Variants in SPC25 observed in about 807,000 individuals in gnomAD.
The protein encoded by SPC25 is kinetochore protein Spc25.
SPC25 carries 22 observed loss-of-function variants against 29.6 expected under a neutral mutation model. The ratio of observed to expected loss-of-function variants is 0.74; its 90% confidence interval spans 0.53 to 1.06. The LOEUF (loss-of-function observed/expected upper bound fraction) is 1.06, where lower values mean the gene tolerates loss of function less well. Among genes scored for constraint, SPC25 ranks in the 50% least tolerant of loss-of-function variants. The pLI is 0.00. For synonymous variants in SPC25, 91 were observed against 90.4 expected, an observed-to-expected ratio of 1.01 and a Z score of -0.04; for missense variants, 230 against 255.8, an observed-to-expected ratio of 0.90 and a Z score of 0.69.
chr2:168,864,930 A>G, intron 4 of SPC25: 2 of 1,614,120 alleles, frequency 1.2e-6, no homozygotes, highest in Non-Finnish European at 1.7e-6. Flanking sequence ...TATGTGGAGG[A>G]GTTACCTTCA....
chr2:168,863,427 A>T, intron 4 of SPC25: 1 of 985,140 alleles, frequency 1.0e-6, no homozygotes, highest in Non-Finnish European at 1.2e-6. Flanking sequence ...AAATCACCTC[A>T]GAATGATGCC....
intron 1 of SPC25, 68 bp from the exon 2 acceptor site, chr2:168,889,601 G>A (rs573039739): frequency 6.8e-6 from 10 of 1,477,330 alleles, no homozygotes; most frequent in African/African-American, 1.4e-5. Context: ...TTCCAATCGG[G>A]TATACAGTAT....
chr2:168,876,096 C>A lies in SPC25; in HGVS notation c.427G>T (p.Gly143Ter). The A allele has an allele frequency of 1.3e-6, 2 of 1,547,482 alleles. No homozygotes were observed. ...CCATAAATTTTTCGAATTTCTAGTCCAAGTCGATCTTTATACAAGTCTGCA... is the reference window on the plus strand; with the variant it reads ...CCATAAATTTTTCGAATTTCTAGTCAAAGTCGATCTTTATACAAGTCTGCA... ...KSADLYKDRL[G>*]LEIRKIYGEK... is the part of the protein sequence containing the mutation. Residue 143 changes from glycine (G) to a stop codon, truncating the protein, a stop_gained, in exon 5 of 7, where the codon GGA (glycine) becomes TGA (stop). Coordinates refer to ENST00000282074, the MANE Select transcript of SPC25 (RefSeq NM_020675.4). LOFTEE classifies it high-confidence loss of function.
downstream of SPC25, among the ~76,000 whole-genome samples, chr2:168,870,508 C>G (rs1227708392): frequency 6.6e-6 from 1 of 151,710 alleles, no homozygotes; most frequent in Non-Finnish European, 1.5e-5. Context: ...AACAAATTTA[C>G]AAGAAAAAAA....
At chr2:168,865,044 C>T (rs1392624800) in intron 4 of SPC25, 6 of 1,503,850 alleles carry the variant, frequency 4.0e-6, no homozygotes, top group Non-Finnish European at 5.4e-6. Flanking sequence ...GAATAAAGTG[C>T]TCTTACCTTT....
chr2:168,889,649 T>C (rs999062582), intron 1 of SPC25, 116 bp from the exon 2 acceptor site: 1 of 1,072,928 alleles, frequency 9.3e-7, no homozygotes, highest in African/African-American at 1.6e-5. Context: ...TAGCAACTTA[T>C]CTTTAATTCT....
At chr2:168,871,681 G>T in intron 6 of SPC25, 126 bp from the exon 7 acceptor site, 1 of 894,156 alleles carries the variant, frequency 1.1e-6, no homozygotes, top group Non-Finnish European at 1.6e-6. Context: ...AATTCTTTGA[G>T]CAAAAAAGGA....
rs1364842460 is a variant in SPC25 at position 168,865,004 on chromosome 2, G to T, written n.419+8581C>A. 8 of 1,609,444 alleles carry T rather than the reference G, an allele frequency of 5.0e-6. No homozygotes were observed. The East Asian group carries it at 1.8e-4, about 36-fold the overall frequency. ...TCTGAACATACTACCTTCACACTCG[G>T]TAATCAACAATACAGTGTGGTTCAA... On this transcript the variant is annotated intron_variant and non_coding_transcript_variant, in intron 4 of 4. Transcript: ENST00000479309.
At chr2:168,868,263 A>G (rs1689905403), downstream of SPC25, among the ~76,000 whole-genome samples, 1 of 152,258 alleles carries the variant, frequency 6.6e-6, no homozygotes, top group East Asian at 1.9e-4. Context: ...GAAAGATCCA[A>G]AATTGACACC....
Sources: gnomAD v4.1 joint callset for allele counts (sites outside exome capture counted in the v4.1 genomes callset) on GRCh38, gnomAD v4.1.1 for gene constraint, MANE v1.5 for transcripts, NCBI Gene and HGNC (gene_info 2026-07-23, HGNC 2026-07-21) for gene names.